Variants in LRBA observed in about 807,000 individuals in gnomAD.
LRBA encodes the protein LPS responsive beige-like anchor protein.
A neutral mutation model predicts 330.0 loss-of-function variants in LRBA; 176 were observed. The ratio of observed to expected loss-of-function variants is 0.53; its 90% CI spans 0.47 to 0.60. The LOEUF (loss-of-function observed/expected upper bound fraction) is 0.60, where lower values mean the gene tolerates loss of function less well. Among genes scored for constraint, LRBA ranks in the 20% least tolerant of loss-of-function variants. The probability of loss-of-function intolerance (pLI) is 0.00; values close to 1 mark genes in which losing one functional copy is unlikely to be tolerated. For synonymous variants in LRBA, 1,230 were observed against 1,193.0 expected (o/e 1.03, Z -0.64); for missense variants, 3,259 against 3,444.8 (o/e 0.95, Z 1.35).
chr4:150,871,471 G>C lies in LRBA; in HGVS notation c.2259-18C>G. On this transcript the variant is annotated intron_variant, in intron 18 of 56. Coordinates refer to ENST00000651943, the MANE Select transcript of LRBA (RefSeq NM_001364905.1). ...CTTTCCTCCTGCAATTACACAAAAAGAAATCATCAAATGTAGAGCTTTTCT... is the reference window on the plus strand; with the variant it reads ...CTTTCCTCCTGCAATTACACAAAAACAAATCATCAAATGTAGAGCTTTTCT... 1 of 1,456,462 alleles carries C rather than the reference G, an allele frequency of 6.9e-7. No individual in the cohort carries two copies. The highest frequency in any genetic ancestry group is 2.3e-5 in the East Asian group (1 of 43,904). The allele number at this position is 1,456,462 out of a possible 1,614,324, so 90.2% of individuals were successfully genotyped here.
intron 34 of LRBA, among the ~76,000 whole-genome samples, chr4:150,790,638 T>G (rs1739763845): frequency 6.6e-6 from 1 of 152,248 alleles, no homozygotes; most frequent in Admixed American, 6.5e-5. Context: ...TATTTTAAAA[T>G]AGTTCATGCA....
chr4:150,278,066 G>A, intron 55 of LRBA, 62 bp from the exon 56 acceptor site: 12 of 1,475,882 alleles, frequency 8.1e-6, no homozygotes, highest in Non-Finnish European at 1.0e-5. Flanking sequence ...CCCCCACCCT[G>A]TTTTTGAGTC....
chr4:150,801,283 A>G (rs936726642), intron 33 of LRBA, among the ~76,000 whole-genome samples: 1 of 152,206 alleles, frequency 6.6e-6, no homozygotes, highest in Non-Finnish European at 1.5e-5. Context: ...GCTCATGATG[A>G]ATCTGAAACA....
intron 40 of LRBA, among the ~76,000 whole-genome samples, chr4:150,559,320 T>G (rs1561349880): frequency 6.6e-6 from 1 of 151,506 alleles, no homozygotes; most frequent in Admixed American, 6.6e-5. Flanking sequence ...CCCAGCACGT[T>G]GGGAGGCCAA....
At chr4:150,725,288 T>C (rs1729522036) in intron 36 of LRBA, among the ~76,000 whole-genome samples, 1 of 152,036 alleles carries the variant, frequency 6.6e-6, no homozygotes, top group Admixed American at 6.6e-5. Flanking sequence ...AGATTACCTC[T>C]GGGCATCTAA....
At chr4:150,886,001 C>T (rs1728904474) in intron 17 of LRBA, among the ~76,000 whole-genome samples, 1 of 151,544 alleles carries the variant, frequency 6.6e-6, no homozygotes, top group African/African-American at 2.4e-5. Context: ...AAAAGATAAC[C>T]TTTAAGAAGA....
chr4:150,367,524 C>T (rs562868195), intron 47 of LRBA, among the ~76,000 whole-genome samples: 3 of 152,188 alleles, frequency 2.0e-5, no homozygotes, highest in Non-Finnish European at 4.4e-5. Flanking sequence ...TCGGCACACC[C>T]CTCCCCCAAA....
At chr4:150,748,257 G>A (rs766785515) in intron 35 of LRBA, among the ~76,000 whole-genome samples, 23 of 152,102 alleles carry the variant, frequency 1.5e-4, no homozygotes, top group Admixed American at 3.9e-4. Flanking sequence ...GAATACTTCA[G>A]TAATATCTTC....
intron 5 of LRBA, among the ~76,000 whole-genome samples, chr4:150,919,679 T>C (rs1733035519): frequency 1.3e-5 from 2 of 152,216 alleles, no homozygotes; most frequent in Admixed American, 1.3e-4. Flanking sequence ...TGCGTACACA[T>C]GTTCTCTCTC....
At chr4:150,309,562 A>C (rs1372244873) in intron 52 of LRBA, among the ~76,000 whole-genome samples, 3 of 152,166 alleles carry the variant, frequency 2.0e-5, no homozygotes. Flanking sequence ...TAAATTTCTC[A>C]ACGTTTCTCA....
At chr4:150,382,806 CAT>C (rs1742474564) in intron 47 of LRBA, among the ~76,000 whole-genome samples, 2 of 151,968 alleles carry the variant, frequency 1.3e-5, no homozygotes, top group African/African-American at 4.8e-5. Context: ...TGTAAAAAAA[CAT>C]AGAAATAAAA....
In LRBA at chr4:150,852,882, A is replaced by G. The variant is rs748232369; in HGVS notation, c.2828T>C (p.Val943Ala). The G allele has an allele frequency of 4.3e-6, 7 of 1,609,810 alleles. No individual in the cohort carries two copies. Among genetic ancestry groups the G allele is most frequent in the African/African-American group, 2.7e-5 (2 of 74,754 alleles). The part of the protein sequence containing the change: ...ANIFREQQGK[V>A]DEEIGLCSST... ...AGAACACAGCCCTATTTCTTCATCA[A>G]CTTTTCCTTGCTGTTCCCTAAATAT... Residue 943 changes from valine to alanine, a missense_variant, in exon 23 of 57, where the codon GTT becomes GCT. Coordinates refer to ENST00000651943, the MANE Select transcript of LRBA (RefSeq NM_001364905.1).
chr4:150,447,639 G>C (rs1233031995), intron 44 of LRBA, among the ~76,000 whole-genome samples: 1 of 152,018 alleles, frequency 6.6e-6, no homozygotes, highest in Non-Finnish European at 1.5e-5. Context: ...ATCTCTTTTT[G>C]GATACAGATA....
chr4:150,993,774 G>A (rs1561104963), intron 2 of LRBA, among the ~76,000 whole-genome samples: 2 of 152,084 alleles, frequency 1.3e-5, no homozygotes, highest in Admixed American at 6.5e-5. Flanking sequence ...CAGTATGGGG[G>A]AAACTGCCCC....
intron 2 of LRBA, among the ~76,000 whole-genome samples, chr4:151,007,819 T>C (rs1744282191): frequency 6.9e-6 from 1 of 145,104 alleles, no homozygotes; most frequent in Non-Finnish European, 1.5e-5. Context: ...ATCGCACCAC[T>C]GCACTCCAGC....
At chr4:150,968,073 C>T (rs1283106219) in intron 2 of LRBA, among the ~76,000 whole-genome samples, 5 of 144,344 alleles carry the variant, frequency 3.5e-5, no homozygotes, top group East Asian at 2.1e-4. Flanking sequence ...GGCGCGATTT[C>T]GGTTTACTGC....
chr4:150,896,964 A>C (rs2127117600), intron 15 of LRBA, among the ~76,000 whole-genome samples: 1 of 151,452 alleles, frequency 6.6e-6, no homozygotes, highest in South Asian at 2.1e-4. Context: ...CTACTCTATC[A>C]GTATATTAAT....
chr4:150,637,509 T>C (rs1306210626), intron 37 of LRBA, among the ~76,000 whole-genome samples: 1 of 152,156 alleles, frequency 6.6e-6, no homozygotes, highest in Non-Finnish European at 1.5e-5. Context: ...CAATGAAATA[T>C]GGCAACATCA....
chr4:150,548,727 T>C (rs1428054672), intron 40 of LRBA, among the ~76,000 whole-genome samples: 4 of 152,216 alleles, frequency 2.6e-5, no homozygotes. Flanking sequence ...TAAGTGCTAC[T>C]TATTATTGAT....
Sources: gnomAD v4.1 joint callset for allele counts (sites outside exome capture counted in the v4.1 genomes callset) on GRCh38, gnomAD v4.1.1 for gene constraint, MANE v1.5 for transcripts, NCBI Gene and HGNC (gene_info 2026-07-23, HGNC 2026-07-21) for gene names.